Variants in PANK1 observed in about 807,000 individuals in gnomAD.
PANK1 encodes pantothenic acid kinase 1.
A neutral mutation model predicts 40.1 loss-of-function variants in PANK1; 18 were observed. The ratio of observed to expected loss-of-function variants is 0.45; its 90% CI spans 0.31 to 0.67. PANK1 has a LOEUF of 0.67. Ranked by LOEUF, PANK1 falls within the 30% of genes least tolerant of loss-of-function variation. The pLI is 0.06. For synonymous variants in PANK1, 242 were observed against 237.7 expected (o/e 1.02, Z -0.17); for missense variants, 457 against 599.6 (o/e 0.76, Z 2.48).
At chr10:89,624,777 T>C (rs1845608766) in intron 1 of PANK1, among the ~76,000 whole-genome samples, 1 of 152,240 alleles carries the variant, frequency 6.6e-6, no homozygotes, top group South Asian at 2.1e-4. Flanking sequence ...GAGATTCTGA[T>C]TCAGTGGGAT....
chr10:89,599,921 G>A (rs192118853), intron 2 of PANK1, among the ~76,000 whole-genome samples: 1 of 152,220 alleles, frequency 6.6e-6, no homozygotes, highest in African/African-American at 2.4e-5. Flanking sequence ...GAGTCCAATG[G>A]CAAGCATATA....
chr10:89,609,405 C>A (rs898079575), intron 2 of PANK1, among the ~76,000 whole-genome samples: 18 of 152,180 alleles, frequency 1.2e-4, no homozygotes, highest in African/African-American at 4.1e-4. Context: ...TGTCTTCCCC[C>A]ACTAGAATAC....
rs142364135 is a variant in PANK1, at chr10:89,617,433, T to C, written c.293-5385A>G. ...TGTTAGTAGCATGTATTCATTACTA[T>C]TGACTGCATTTTAAAAGGTGTAATG... On this transcript the variant is annotated intron_variant, in intron 1 of 6. Coordinates refer to ENST00000307534, the MANE Select transcript of PANK1 (RefSeq NM_148977.3). 1.2e-4 allele frequency among the ~76,000 whole-genome samples: 18 copies of C among 152,350 alleles called. No homozygotes were observed. The East Asian group carries it at 2.9e-3, about 24-fold the overall frequency.
chr10:89,588,519 T>G (rs1394303203), intron 6 of PANK1, 133 bp downstream of exon 6: 2 of 574,726 alleles, frequency 3.5e-6, no homozygotes, highest in African/African-American at 3.8e-5. Context: ...TTTCTTATCC[T>G]TTGTGTAAAT....
At position 89,595,839 on chromosome 10, in the gene PANK1, T is replaced by A. The variant is rs1361160108; in HGVS notation, c.900-1850A>T. ...CTTAAAAAAAAAAAAAAAAAATATA[T>A]ATATATATATATATATATATATATA... is the stretch of plus-strand genomic sequence containing the variant. On this transcript the variant is annotated intron_variant, in intron 3 of 6. Coordinates refer to ENST00000307534, the MANE Select transcript of PANK1 (RefSeq NM_148977.3). Among the ~76,000 whole-genome samples the A allele has an allele frequency of 5.8e-3, 358 of 61,494 alleles. 2 individuals are homozygous for A. The highest frequency in any genetic ancestry group is 0.015 in the African/African-American group (133 of 9,094). The allele number at this position is 61,494 out of a possible 152,430, so 40.3% of individuals were successfully genotyped here.
At chr10:89,607,182 C>T (rs952722770) in intron 2 of PANK1, among the ~76,000 whole-genome samples, 4 of 152,186 alleles carry the variant, frequency 2.6e-5, no homozygotes, top group Admixed American at 1.3e-4. Context: ...ACATGGGACT[C>T]TTCCTTTGAC....
chr10:89,613,271 T>C (rs1589791797), intron 1 of PANK1, among the ~76,000 whole-genome samples: 1 of 152,308 alleles, frequency 6.6e-6, no homozygotes, highest in East Asian at 1.9e-4. Flanking sequence ...TAAAACTGAA[T>C]TTAAAGACTC....
chr10:89,596,483 A>C (rs143948016), intron 3 of PANK1, among the ~76,000 whole-genome samples: 1 of 152,230 alleles, frequency 6.6e-6, no homozygotes, highest in Admixed American at 6.5e-5. Context: ...TAAAGCGAGC[A>C]TGCATTTGCA....
chr10:89,596,720 T>C (rs1342920814), intron 3 of PANK1, among the ~76,000 whole-genome samples: 1 of 152,200 alleles, frequency 6.6e-6, no homozygotes, highest in Non-Finnish European at 1.5e-5. Context: ...TATCATCATT[T>C]AAAAATAAAA....
At chr10:89,636,493 C>A (rs1841818795) in intron 1 of PANK1, among the ~76,000 whole-genome samples, 1 of 151,948 alleles carries the variant, frequency 6.6e-6, no homozygotes, top group Non-Finnish European at 1.5e-5. Context: ...ACTCTGTCAC[C>A]CAGGCTGGAG....
intron 4 of PANK1, 39 bp from the exon 5 acceptor site, chr10:89,593,359 C>A: frequency 6.2e-7 from 1 of 1,603,538 alleles, no homozygotes; most frequent in Admixed American, 1.7e-5. Context: ...CAAAATCGTC[C>A]TCAGGCAGGG....
At chr10:89,628,672 G>C (rs1333552734) in intron 1 of PANK1, among the ~76,000 whole-genome samples, 1 of 152,158 alleles carries the variant, frequency 6.6e-6, no homozygotes, top group Non-Finnish European at 1.5e-5. Flanking sequence ...TGGTGAATGT[G>C]AATTATATCT....
chr10:89,590,213 C>T (rs575328020), intron 5 of PANK1, among the ~76,000 whole-genome samples: 5 of 151,786 alleles, frequency 3.3e-5, no homozygotes, highest in Admixed American at 6.6e-5. Context: ...CAAATCCAAA[C>T]GGGAAGCAAT....
rs1491345124 is a variant in PANK1 at position 89,631,987 on chromosome 10, T to TTA, written c.292+12612_292+12613insTA. 5.3e-5 allele frequency among the ~76,000 whole-genome samples: 8 copies of TTA among 150,702 alleles called. No individual in the cohort carries two copies. The East Asian group carries it at 1.2e-3, about 22-fold the overall frequency. On this transcript the variant is annotated intron_variant, in intron 1 of 6. Transcript: ENST00000307534. ...GTGTGTGTGTGTGTGTTTTTTTTTT[T>TTA]AAAAAGGGTTCTTTTCTTTTGGAAA...
chr10:89,598,669 T>C (rs1447166266), intron 3 of PANK1, among the ~76,000 whole-genome samples: 2 of 152,102 alleles, frequency 1.3e-5, no homozygotes, highest in Non-Finnish European at 2.9e-5. Flanking sequence ...TTGGGGTGTG[T>C]GCACTGAAAA....
At chr10:89,620,115 T>C (rs2133977714) in intron 1 of PANK1, among the ~76,000 whole-genome samples, 1 of 152,344 alleles carries the variant, frequency 6.6e-6, no homozygotes, top group East Asian at 1.9e-4. Context: ...ACTGAGGATG[T>C]ATATCCCCTC....
chr10:89,613,703 G>A (rs1202321288), intron 1 of PANK1, among the ~76,000 whole-genome samples: 1 of 152,156 alleles, frequency 6.6e-6, no homozygotes, highest in African/African-American at 2.4e-5. Context: ...GTGTAGGTTG[G>A]GAAACTCGCT....
intron 5 of PANK1, among the ~76,000 whole-genome samples, chr10:89,592,513 G>A (rs1191015371): frequency 6.6e-6 from 1 of 152,146 alleles, no homozygotes; most frequent in Non-Finnish European, 1.5e-5. Context: ...GATCTACTGT[G>A]GTTCTTTAAT....
intron 3 of PANK1, among the ~76,000 whole-genome samples, chr10:89,598,667 T>C (rs796392836): frequency 2.6e-5 from 4 of 152,216 alleles, no homozygotes; most frequent in South Asian, 2.1e-4. Flanking sequence ...CCTTGGGGTG[T>C]GTGCACTGAA....
Sources: gnomAD v4.1 joint callset for allele counts (sites outside exome capture counted in the v4.1 genomes callset) on GRCh38, gnomAD v4.1.1 for gene constraint, MANE v1.5 for transcripts, NCBI Gene and HGNC (gene_info 2026-07-23, HGNC 2026-07-21) for gene names.